CHN2: variants seen among roughly 807,000 people sequenced by gnomAD.
CHN2 encodes the protein chimerin 2.
In CHN2, 35 loss-of-function variants were observed where a neutral mutation model predicts 56.3. The observed-to-expected ratio is 0.62, with a 90% CI of 0.47 to 0.82. The LOEUF is 0.82. Ranked by LOEUF, CHN2 falls within the 40% of genes least tolerant of loss-of-function variation. CHN2 has a pLI of 0.00. For synonymous variants in CHN2, 210 were observed against 212.8 expected (o/e 0.99, Z 0.12); for missense variants, 491 against 580.5 (o/e 0.85, Z 1.58).
chr7:29,466,745 G>A (rs1785583135), intron 6 of CHN2, among the ~76,000 whole-genome samples: 3 of 152,158 alleles, frequency 2.0e-5, no homozygotes, highest in Non-Finnish European at 4.4e-5. Flanking sequence ...TGATACTTTA[G>A]ATCTATTCAG....
chr7:29,220,280 AAG>A lies in CHN2; in HGVS notation c.49+25310_49+25311del, dbSNP rs60474405. On this transcript the variant is annotated intron_variant, in intron 1 of 12. Transcript: ENST00000222792. ...GGGAGACCCTGTCTTAAAAAAAAAA[AAG>A]AGAGAGAGAGAGAGAGAGAAAGCCA... Among the ~76,000 whole-genome samples the A allele has an allele frequency of 2.1e-3, 293 of 138,160 alleles. 1 individual carries two copies. Among genetic ancestry groups the A allele is most frequent in the African/African-American group, 7.1e-3 (264 of 36,964 alleles). The allele number at this position is 138,160 out of a possible 152,430, so 90.6% of individuals were successfully genotyped here. A position where few individuals can be genotyped will look rare whatever the true frequency, so the allele number is the denominator to read the frequency against.
chr7:29,439,485 C>G (rs1018782870), intron 6 of CHN2, among the ~76,000 whole-genome samples: 1 of 152,164 alleles, frequency 6.6e-6, no homozygotes, highest in Non-Finnish European at 1.5e-5. Context: ...TCCATTCTTG[C>G]GTTTTCTTGT....
chr7:29,222,642 G>T (rs62444118), intron 1 of CHN2, among the ~76,000 whole-genome samples: 2,622 of 152,278 alleles, frequency 0.017, 30 homozygotes, highest in Middle Eastern at 0.048. Flanking sequence ...ATATAATCAT[G>T]TGCCTGGATT....
intron 1 of CHN2, among the ~76,000 whole-genome samples, chr7:29,277,367 C>A (rs1014841356): frequency 2.6e-5 from 4 of 152,182 alleles, no homozygotes; most frequent in African/African-American, 9.7e-5. Context: ...GTTTGGCAGG[C>A]TGATGTCAAG....
At chr7:29,378,690 G>A (rs1019283035) in intron 3 of CHN2, among the ~76,000 whole-genome samples, 8 of 152,240 alleles carry the variant, frequency 5.3e-5, no homozygotes, top group East Asian at 1.9e-4. Context: ...GTTAGGCCAC[G>A]CGCGGTGGCT....
chr7:29,212,320 G>T (rs1785018071), intron 1 of CHN2: 4 of 1,333,262 alleles, frequency 3.0e-6, no homozygotes, highest in Admixed American at 3.4e-5. Flanking sequence ...GATCTGGCTT[G>T]TCTGCAAAGC....
At chr7:29,366,277 C>T (rs1432127392) in intron 2 of CHN2, among the ~76,000 whole-genome samples, 3 of 151,884 alleles carry the variant, frequency 2.0e-5, no homozygotes, top group African/African-American at 4.8e-5. Context: ...GAGGAGATTC[C>T]CTAGGGAGAA....
intron 1 of CHN2, among the ~76,000 whole-genome samples, chr7:29,259,458 T>C (rs1377755464): frequency 6.6e-6 from 1 of 152,112 alleles, no homozygotes; most frequent in African/African-American, 2.4e-5. Flanking sequence ...GATTGGATAT[T>C]GGGTGCTCCG....
At chr7:29,235,433 G>A (rs1261150134) in intron 1 of CHN2, among the ~76,000 whole-genome samples, 1 of 152,226 alleles carries the variant, frequency 6.6e-6, no homozygotes, top group African/African-American at 2.4e-5. Context: ...CTGCTGATGG[G>A]AGTGTAAATG....
intron 6 of CHN2, among the ~76,000 whole-genome samples, chr7:29,432,952 A>T (rs1782955897): frequency 6.6e-6 from 1 of 152,208 alleles, no homozygotes; most frequent in Admixed American, 6.5e-5. Flanking sequence ...TCTGTTGGCG[A>T]CAGCTCTGTA....
intron 6 of CHN2, among the ~76,000 whole-genome samples, chr7:29,468,652 C>G (rs1171059658): frequency 6.6e-6 from 1 of 152,110 alleles, no homozygotes; most frequent in African/African-American, 2.4e-5. Context: ...AGTCTCTGAT[C>G]CAAGTGCTCT....
intron 1 of CHN2, among the ~76,000 whole-genome samples, chr7:29,285,277 G>A (rs80082729): frequency 0.02 from 3,032 of 152,282 alleles, 106 homozygotes; most frequent in African/African-American, 0.069. Context: ...GATACACAGA[G>A]CAAATGGAAC....
chr7:29,361,936 G>A lies in CHN2; in HGVS notation c.89-5996G>A, dbSNP rs528408871. ...CTCATCTGTGTACCAGTAAAACACT[G>A]TTCTCTCTTGCTTCCTTGTCTCCAG... On this transcript the variant is annotated intron_variant, in intron 2 of 12. Transcript: ENST00000222792. Among the ~76,000 whole-genome samples the A allele has an allele frequency of 3.3e-5, 5 of 152,290 alleles. No individual in the cohort carries two copies. The South Asian group carries it at 1.0e-3, about 32-fold the overall frequency.
rs570096452 is a variant in CHN2, at chr7:29,195,025, C to A, written c.49+35C>A. 4.4e-6 allele frequency: 7 copies of A among 1,577,342 alleles called. No homozygotes were observed. The East Asian group carries it at 1.2e-4, about 27-fold the overall frequency. On this transcript the variant is annotated intron_variant, in intron 1 of 12. Coordinates refer to ENST00000222792, the MANE Select transcript of CHN2 (RefSeq NM_004067.4). The stretch of plus-strand genomic sequence containing the variant: ...AGCCCGTCGGGCGCTGCTGCCGCGC[C>A]GGGTCTCGCCCCACTGCCCTCGCCC...
At chr7:29,261,813 T>C (rs1471156281) in intron 1 of CHN2, among the ~76,000 whole-genome samples, 3 of 152,220 alleles carry the variant, frequency 2.0e-5, no homozygotes. Flanking sequence ...CCTCACAAAA[T>C]TGTATGTTAG....
chr7:29,435,272 G>A (rs1783136461), intron 6 of CHN2, among the ~76,000 whole-genome samples: 1 of 152,210 alleles, frequency 6.6e-6, no homozygotes, highest in Admixed American at 6.5e-5. Flanking sequence ...TTGGGCTCTG[G>A]ACCAGAGACC....
At position 29,252,578 on chromosome 7, in the gene CHN2, G is replaced by GTTTTTGTTTTTGTTTTT. The variant is rs1788666189; in HGVS notation, c.49+57593_49+57594insGTTTTTGTTTTTTTTTT. On this transcript the variant is annotated intron_variant, in intron 1 of 12. Coordinates refer to ENST00000222792, the MANE Select transcript of CHN2 (RefSeq NM_004067.4). ...CTGTTTGTCTAAAATTGCATTCTTT[G>GTTTTTGTTTTTGTTTTT]TTTTTTTTTTTTTTTTTTTTTTTTT... Among the ~76,000 whole-genome samples the GTTTTTGTTTTTGTTTTT allele has an allele frequency of 2.6e-4, 5 of 19,496 alleles. 2 individuals carry two copies. The highest frequency in any genetic ancestry group is 1.5e-3 in the African/African-American group (5 of 3,248). 12.8% of individuals were successfully genotyped at this position (19,496 alleles called of 152,430 possible).
intron 5 of CHN2, 77 bp from the exon 6 acceptor site, chr7:29,400,466 C>T (rs904660089): frequency 2.0e-5 from 29 of 1,427,308 alleles, no homozygotes; most frequent in African/African-American, 2.8e-5. Context: ...ATTCAAAAAA[C>T]GTTAGCTGCT....
At chr7:29,337,696 G>T (rs1796729909) in intron 1 of CHN2, among the ~76,000 whole-genome samples, 1 of 152,198 alleles carries the variant, frequency 6.6e-6, no homozygotes, top group Non-Finnish European at 1.5e-5. Flanking sequence ...GCATGCTAAT[G>T]CAGAGCTTAA....
Sources: gnomAD v4.1 joint callset for allele counts (sites outside exome capture counted in the v4.1 genomes callset) on GRCh38, gnomAD v4.1.1 for gene constraint, MANE v1.5 for transcripts, NCBI Gene and HGNC (gene_info 2026-07-23, HGNC 2026-07-21) for gene names.